The following ENOX1 variants were observed in gnomAD, a reference collection of about 807,000 sequenced individuals.
ENOX1 encodes the protein ecto-NOX disulfide-thiol exchanger 1.
In ENOX1, 42 loss-of-function variants were observed where a neutral mutation model predicts 82.5. The observed-to-expected ratio is 0.51, with a 90% confidence interval of 0.40 to 0.66. The LOEUF is 0.66. ENOX1 is among the 30% of genes least tolerant of loss of function. The pLI, the probability that ENOX1 is intolerant of heterozygous loss-of-function variation, is 0.00. For missense variants in ENOX1, 608 were observed against 811.6 expected, an observed-to-expected ratio of 0.75 and a Z score of 3.05; for synonymous variants, 271 against 282.2, an observed-to-expected ratio of 0.96 and a Z score of 0.40.
intron 2 of ENOX1, among the ~76,000 whole-genome samples, chr13:43,610,482 T>A (rs937261733): frequency 6.6e-6 from 1 of 152,190 alleles, no homozygotes; most frequent in Non-Finnish European, 1.5e-5. Flanking sequence ...TTAGATGGAG[T>A]TGGGGAAAAC....
At chr13:43,390,074 T>C (rs560308494) in intron 5 of ENOX1, among the ~76,000 whole-genome samples, 2 of 152,332 alleles carry the variant, frequency 1.3e-5, no homozygotes, top group South Asian at 4.1e-4. Flanking sequence ...ATGTGTTGTA[T>C]ATACTTGGAG....
intron 2 of ENOX1, among the ~76,000 whole-genome samples, chr13:43,643,590 A>T (rs1256616583): frequency 1.3e-5 from 2 of 151,942 alleles, no homozygotes; most frequent in Admixed American, 1.3e-4. Flanking sequence ...TAATCTGAAG[A>T]CATCCTGTAT....
intron 1 of ENOX1, among the ~76,000 whole-genome samples, chr13:43,706,210 A>G (rs1173869226): frequency 6.6e-6 from 1 of 152,070 alleles, no homozygotes; most frequent in African/African-American, 2.4e-5. Context: ...TTTAAAGTGA[A>G]TGATCTATGC....
chr13:43,244,670 C>T (rs2042995879), intron 14 of ENOX1, among the ~76,000 whole-genome samples: 1 of 152,176 alleles, frequency 6.6e-6, no homozygotes, highest in African/African-American at 2.4e-5. Flanking sequence ...CGCCATGTGA[C>T]TTCCCCTATG....
chr13:43,363,239 C>T (rs9533462), intron 5 of ENOX1, among the ~76,000 whole-genome samples: 39,795 of 152,076 alleles, frequency 0.26, 5,634 homozygotes, highest in East Asian at 0.45. Context: ...GAAAGTAAGG[C>T]TTAAAGTACT....
chr13:43,615,338 G>A (rs964818109), intron 2 of ENOX1, among the ~76,000 whole-genome samples: 4 of 152,100 alleles, frequency 2.6e-5, no homozygotes, highest in Non-Finnish European at 4.4e-5. Flanking sequence ...CCCCCCAAAA[G>A]AGGCGGAGCA....
chr13:43,224,800 C>A (rs770118267), intron 15 of ENOX1, among the ~76,000 whole-genome samples: 4 of 152,198 alleles, frequency 2.6e-5, no homozygotes, highest in Admixed American at 6.5e-5. Context: ...TTATAAGGCT[C>A]TTCCATCGTG....
At chr13:43,214,623 G>C (rs1469030682) in intron 16 of ENOX1, among the ~76,000 whole-genome samples, 1 of 152,092 alleles carries the variant, frequency 6.6e-6, no homozygotes, top group Non-Finnish European at 1.5e-5. Flanking sequence ...TAAAGCTTTT[G>C]GAATGGAATC....
At chr13:43,602,925 CA>C (rs2081791165) in intron 2 of ENOX1, among the ~76,000 whole-genome samples, 1 of 152,032 alleles carries the variant, frequency 6.6e-6, no homozygotes, top group South Asian at 2.1e-4. Context: ...GAAAAAGTAT[CA>C]AAAAGTACAT....
chr13:43,559,211 C>T (rs1005328451), intron 2 of ENOX1, among the ~76,000 whole-genome samples: 1 of 152,192 alleles, frequency 6.6e-6, no homozygotes, highest in Admixed American at 6.5e-5. Flanking sequence ...AGCCCTATGG[C>T]CTGCTGAATC....
At chr13:43,590,086 CT>C (rs998401609) in intron 2 of ENOX1, among the ~76,000 whole-genome samples, 5 of 151,938 alleles carry the variant, frequency 3.3e-5, no homozygotes, top group Admixed American at 3.3e-4. Flanking sequence ...AATCGTTATG[CT>C]CTAAGTGGCT....
At chr13:43,522,535 T>C (rs1260115445) in intron 2 of ENOX1, among the ~76,000 whole-genome samples, 4 of 152,202 alleles carry the variant, frequency 2.6e-5, no homozygotes, top group East Asian at 1.9e-4. Flanking sequence ...GGAGATAAGA[T>C]TGGAACCAAG....
At chr13:43,694,896 T>C (rs2086556809) in intron 1 of ENOX1, among the ~76,000 whole-genome samples, 2 of 152,186 alleles carry the variant, frequency 1.3e-5, no homozygotes, top group South Asian at 4.1e-4. Flanking sequence ...TTCCCCTTAA[T>C]TGTCTGCTGC....
intron 3 of ENOX1, among the ~76,000 whole-genome samples, chr13:43,448,318 T>C (rs2056770512): frequency 1.3e-5 from 2 of 152,342 alleles, no homozygotes; most frequent in East Asian, 1.9e-4. Flanking sequence ...TGTACCTAAA[T>C]AGGACTTTGT....
At chr13:43,256,331 C>A (rs2153473428) in intron 14 of ENOX1, among the ~76,000 whole-genome samples, 1 of 152,106 alleles carries the variant, frequency 6.6e-6, no homozygotes, top group Non-Finnish European at 1.5e-5. Context: ...AAAGTATTTG[C>A]ACAGAAAGGG....
chr13:43,542,048 G>A (rs960894290), intron 2 of ENOX1, among the ~76,000 whole-genome samples: 10 of 152,184 alleles, frequency 6.6e-5, no homozygotes, highest in Non-Finnish European at 1.2e-4. Flanking sequence ...TCTGCAGAAC[G>A]TCAATAACAA....
At chr13:43,436,631 A>G (rs1348683451) in intron 3 of ENOX1, among the ~76,000 whole-genome samples, 2 of 152,206 alleles carry the variant, frequency 1.3e-5, no homozygotes, top group Non-Finnish European at 2.9e-5. Flanking sequence ...AAAAAAGTCA[A>G]TAACAATATG....
intron 12 of ENOX1, among the ~76,000 whole-genome samples, chr13:43,273,206 C>T (rs1011776141): frequency 6.6e-6 from 1 of 152,158 alleles, no homozygotes; most frequent in Non-Finnish European, 1.5e-5. Context: ...TTGAAGTCAA[C>T]GCTGGCCCTT....
At chr13:43,296,990 A>G (rs1426808003) in intron 12 of ENOX1, among the ~76,000 whole-genome samples, 3 of 152,180 alleles carry the variant, frequency 2.0e-5, no homozygotes, top group Non-Finnish European at 2.9e-5. Flanking sequence ...AGCAGCTGTT[A>G]CATCGATTTT....
Sources: gnomAD v4.1 joint callset for allele counts (sites outside exome capture counted in the v4.1 genomes callset) on GRCh38, gnomAD v4.1.1 for gene constraint, MANE v1.5 for transcripts, NCBI Gene and HGNC (gene_info 2026-07-23, HGNC 2026-07-21) for gene names.